DEGS2: variants seen among roughly 807,000 people sequenced by gnomAD.
DEGS2 encodes the protein delta 4-desaturase, sphingolipid 2, also known as sphingolipid delta(4)-desaturase/C4-monooxygenase DES2.
In DEGS2, 19 loss-of-function variants were observed where a neutral mutation model predicts 23.8. The observed-to-expected ratio is 0.80, with a 90% CI of 0.56 to 1.17. DEGS2 has a LOEUF of 1.17. DEGS2 is among the 50% of genes most tolerant of loss of function. The probability of loss-of-function intolerance (pLI) is 0.00; values close to 1 mark genes in which losing one functional copy is unlikely to be tolerated. For synonymous variants in DEGS2, 218 were observed against 213.7 expected (o/e 1.02, Z -0.18); for missense variants, 390 against 459.5 (o/e 0.85, Z 1.38).
Position 100,149,126 on chromosome 14 carries a change from G to GCAGGCC in DEGS2, c.661_666dup (p.Gly221_Leu222dup), listed in dbSNP as rs747741372. 3 of 1,613,016 alleles carry GCAGGCC rather than the reference G, an allele frequency of 1.9e-6. No individual in the cohort carries two copies. Among genetic ancestry groups the GCAGGCC allele is most frequent in the South Asian group, 1.1e-5 (1 of 91,090 alleles). ...GCCACGAAGTGGCCCGAGATGGGGT[G>GCAGGCC]CAGGCCCAGGCCCAGGAAGGAGCTG... is the stretch of plus-strand genomic sequence containing the variant. On this transcript the variant is annotated inframe_insertion, in exon 2 of 3. Coordinates refer to ENST00000305631, the MANE Select transcript of DEGS2 (RefSeq NM_206918.3).
At chr14:100,164,432 T>C (rs1479112217), upstream of DEGS2, among the ~76,000 whole-genome samples, 4 of 151,844 alleles carry the variant, frequency 2.6e-5, no homozygotes, top group African/African-American at 9.7e-5. Flanking sequence ...GGCCAGGAGT[T>C]CAAAACCAGC....
chr14:100,164,768 GAA>G, the DEGS2 span, among the ~76,000 whole-genome samples: 1 of 152,198 alleles, frequency 6.6e-6, no homozygotes, highest in Non-Finnish European at 1.5e-5. Context: ...AATCACTTTG[GAA>G]AACTCTTCAG....
chr14:100,156,768 G>C (rs1211511038), intron 1 of DEGS2, among the ~76,000 whole-genome samples: 1 of 152,222 alleles, frequency 6.6e-6, no homozygotes, highest in East Asian at 1.9e-4. Flanking sequence ...GGACTGAACT[G>C]AGCGAGCAAG....
the DEGS2 span, among the ~76,000 whole-genome samples, chr14:100,166,789 A>G: frequency 6.6e-6 from 1 of 152,132 alleles, no homozygotes; most frequent in Non-Finnish European, 1.5e-5. Context: ...GAAAAATGTT[A>G]CCCACCTCGA....
chr14:100,158,799 C>T (rs1330040078), intron 1 of DEGS2, among the ~76,000 whole-genome samples: 2 of 152,156 alleles, frequency 1.3e-5, no homozygotes, highest in African/African-American at 4.8e-5. Flanking sequence ...GGACGACTCA[C>T]CGGGGCCACC....
At chr14:100,157,106 C>T (rs1207363886) in intron 1 of DEGS2, among the ~76,000 whole-genome samples, 3 of 152,220 alleles carry the variant, frequency 2.0e-5, no homozygotes, top group Non-Finnish European at 4.4e-5. Context: ...TCCTTCCCCA[C>T]GTCCTGGAGG....
At chr14:100,158,056 C>T (rs1413466700) in intron 1 of DEGS2, among the ~76,000 whole-genome samples, 3 of 133,286 alleles carry the variant, frequency 2.3e-5, no homozygotes, top group Admixed American at 8.6e-5. Context: ...CACTGCACTC[C>T]GGTCTGGGCG....
chr14:100,160,462 C>T (rs1889733301), upstream of DEGS2, among the ~76,000 whole-genome samples: 1 of 152,202 alleles, frequency 6.6e-6, no homozygotes, highest in Admixed American at 6.5e-5. Flanking sequence ...GGAAACAAGG[C>T]AGAACCTGAA....
At chr14:100,165,815 G>T in the DEGS2 span, among the ~76,000 whole-genome samples, 2 of 149,478 alleles carry the variant, frequency 1.3e-5, no homozygotes, top group Non-Finnish European at 3.0e-5. Context: ...GGCAAACAGA[G>T]CTGCTGTTTG....
At chr14:100,147,023 A>G in intron 2 of DEGS2, 116 bp from the exon 3 acceptor site, 1 of 1,282,962 alleles carries the variant, frequency 7.8e-7, no homozygotes, top group East Asian at 2.4e-5. Flanking sequence ...TCATGTACGA[A>G]CATGTTTGCG....
intron 1 of DEGS2, among the ~76,000 whole-genome samples, chr14:100,157,478 C>G (rs926766634): frequency 1.3e-5 from 2 of 152,198 alleles, no homozygotes; most frequent in African/African-American, 2.4e-5. Flanking sequence ...GGGCAGTAGC[C>G]AGGACACCTG....
the DEGS2 span, among the ~76,000 whole-genome samples, chr14:100,165,358 C>G: frequency 1.3e-5 from 2 of 152,248 alleles, no homozygotes; most frequent in Admixed American, 6.5e-5. Flanking sequence ...CTCTCCTCCC[C>G]CTGACTTCAG....
Position 100,159,537 on chromosome 14 carries a change from C to T in DEGS2, c.51G>A (p.Gln17=). 15 of 1,512,192 alleles carry T rather than the reference C, an allele frequency of 9.9e-6. No homozygotes were observed. Among genetic ancestry groups the T allele is most frequent in the Non-Finnish European group, 1.3e-5 (15 of 1,132,162 alleles). The allele number at this position is 1,512,192 out of a possible 1,614,324, so 93.7% of individuals were successfully genotyped here. The change falls in exon 1 of 3, where the codon CAG becomes CAA. Residue 17 remains glutamine, a synonymous_variant. Coordinates refer to ENST00000305631, the MANE Select transcript of DEGS2 (RefSeq NM_206918.3). ...TCTCCTTGCGCCGCTGCGTGTGCGG[C>T]TGGTCGGTGTAGACCCACTCGAAGT... ...RSDFEWVYTD[Q]PHTQRRKEIL...
upstream of DEGS2, among the ~76,000 whole-genome samples, chr14:100,162,755 G>A (rs1392490376): frequency 6.6e-6 from 1 of 152,176 alleles, no homozygotes; most frequent in Admixed American, 6.5e-5. Flanking sequence ...CAGCAGGGGT[G>A]GGGTGCTGGT....
intron 1 of DEGS2, among the ~76,000 whole-genome samples, chr14:100,150,279 A>G (rs1322271920): frequency 1.3e-5 from 2 of 152,076 alleles, no homozygotes; most frequent in African/African-American, 4.8e-5. Flanking sequence ...GCAGGTCCGA[A>G]GGCACCACTG....
rs1027553001 is a variant in DEGS2, at chr14:100,146,357, G to A, written c.*404C>T. 3.8e-5 allele frequency: 7 copies of A among 183,766 alleles called. No homozygotes were observed. Among genetic ancestry groups the A allele is most frequent in the African/African-American group, 1.2e-4 (5 of 41,930 alleles). The allele number at this position is 183,766 out of a possible 1,614,324, so 11.4% of individuals were successfully genotyped here. A position where few individuals can be genotyped will look rare whatever the true frequency, so the allele number is the denominator to read the frequency against. ...GCTCCACTCATCGGGGCGGCCCAGCGCCCCATTCCCTGGGGCCAGGCTCAA... is the reference window on the plus strand; with the variant it reads ...GCTCCACTCATCGGGGCGGCCCAGCACCCCATTCCCTGGGGCCAGGCTCAA... On this transcript the variant is annotated 3_prime_UTR_variant, in exon 3 of 3. Coordinates refer to ENST00000305631, the MANE Select transcript of DEGS2 (RefSeq NM_206918.3).
chr14:100,155,904 G>A (rs184388998), intron 1 of DEGS2, among the ~76,000 whole-genome samples: 4 of 151,388 alleles, frequency 2.6e-5, no homozygotes, highest in South Asian at 2.1e-4. Context: ...TTACTCCACC[G>A]GCCACGCCTG....
At chr14:100,153,252 C>CAGATAGATAGATAGATAGATAGATAGAT (rs61183768) in intron 1 of DEGS2, among the ~76,000 whole-genome samples, 1 of 147,442 alleles carries the variant, frequency 6.8e-6, no homozygotes, top group African/African-American at 2.5e-5. Flanking sequence ...ATGGCAAAAA[C>CAGATAGATAGATAGATAGATAGATAGAT]AGATAGATAG....
chr14:100,160,555 C>T (rs968955045), upstream of DEGS2, among the ~76,000 whole-genome samples: 1 of 152,232 alleles, frequency 6.6e-6, no homozygotes, highest in Non-Finnish European at 1.5e-5. Context: ...GCCTCTGTTC[C>T]TTCTCCCACT....
Sources: gnomAD v4.1 joint callset for allele counts (sites outside exome capture counted in the v4.1 genomes callset) on GRCh38, gnomAD v4.1.1 for gene constraint, MANE v1.5 for transcripts, NCBI Gene and HGNC (gene_info 2026-07-23, HGNC 2026-07-21) for gene names.